Variants in ZDHHC11B observed in about 807,000 individuals in gnomAD.
ZDHHC11B encodes the protein probable palmitoyltransferase ZDHHC11B.
Under a neutral mutation model 42.3 loss-of-function variants are expected in ZDHHC11B, and 17 were observed. The ratio of observed to expected loss-of-function variants is 0.40; its 90% CI spans 0.27 to 0.60. ZDHHC11B has a LOEUF of 0.60. ZDHHC11B is among the 20% of genes least tolerant of loss of function. The pLI is 0.41. For synonymous variants in ZDHHC11B, 123 were observed against 193.5 expected (o/e 0.64, Z 3.02); for missense variants, 262 against 463.2 (o/e 0.57, Z 3.99).
In ZDHHC11B at chr5:756,245, C is replaced by A. The variant is rs557732167; in HGVS notation, c.223-101G>T. 1.3e-6 allele frequency: 2 copies of A among 1,507,216 alleles called. 1 individual carries two copies. The highest frequency in any genetic ancestry group is 2.8e-5 in the African/African-American group (2 of 71,588). The allele number at this position is 1,507,216 out of a possible 1,614,324, so 93.4% of individuals were successfully genotyped here. ...CAGAAGAGGCGTGGCCACTGGTCAGCCCTGCTCACCCAGCCCTGCACACGT... is the reference window on the plus strand; with the variant it reads ...CAGAAGAGGCGTGGCCACTGGTCAGACCTGCTCACCCAGCCCTGCACACGT... On this transcript the variant is annotated intron_variant, in intron 4 of 13. Transcript: ENST00000508859.
intron 6 of ZDHHC11B, among the ~76,000 whole-genome samples, chr5:753,802 G>A (rs530407823): frequency 4.9e-5 from 7 of 141,474 alleles, no homozygotes; most frequent in East Asian, 4.7e-4. Flanking sequence ...GGGATGGCAG[G>A]GAGGCAGGGC....
In ZDHHC11B at chr5:756,239, G is replaced by A. The variant is rs1244149991; in HGVS notation, c.223-95C>T. 17 of 1,522,920 alleles carry A rather than the reference G, an allele frequency of 1.1e-5. 1 individual carries two copies. Among genetic ancestry groups the A allele is most frequent in the Non-Finnish European group, 1.5e-5 (17 of 1,127,016 alleles). 94.3% of individuals were successfully genotyped at this position (1,522,920 alleles called of 1,614,324 possible). A position where few individuals can be genotyped will look rare whatever the true frequency, so the allele number is the denominator to read the frequency against. On this transcript the variant is annotated intron_variant, in intron 4 of 13. Transcript: ENST00000508859. The stretch of plus-strand genomic sequence containing the variant: ...AGGTCCCAGAAGAGGCGTGGCCACT[G>A]GTCAGCCCTGCTCACCCAGCCCTGC...
intron 12 of ZDHHC11B, among the ~76,000 whole-genome samples, chr5:717,955 G>A (rs571647920): frequency 6.6e-6 from 1 of 151,966 alleles, no homozygotes; most frequent in Admixed American, 6.6e-5. Context: ...AGGGGGAGCA[G>A]TAGTCTTGGT....
rs760343919 is a variant in ZDHHC11B, at chr5:766,864, T to C, written c.56A>G (p.Asn19Ser). The change falls in exon 4 of 14, where the codon AAT becomes AGT. Residue 19 changes from asparagine to serine, a missense_variant. Asn to Ser is a conservative substitution (Grantham distance 46). Transcript: ENST00000508859. Reference protein sequence around the residue: ...CSVTPEAIRNNEELVLPPRIS... With the variant: ...CSVTPEAIRNSEELVLPPRIS... ...GCGGGGCGGCAAGACCAGCTCTTCA[T>C]TGTTGCGTATGGCTTCTGGGGTGAC... The C allele has an allele frequency of 1.2e-6, 2 of 1,612,720 alleles. No individual in the cohort carries two copies. The highest frequency in any genetic ancestry group is 1.1e-5 in the South Asian group (1 of 90,926).
chr5:772,653 G>A (rs1405834476), intron 1 of ZDHHC11B, among the ~76,000 whole-genome samples: 8 of 151,776 alleles, frequency 5.3e-5, no homozygotes, highest in Non-Finnish European at 7.4e-5. Context: ...GTGAGTCCAC[G>A]GGCGCTTGGG....
At position 764,270 on chromosome 5, in the gene ZDHHC11B, G is replaced by A. The variant is rs117513215; in HGVS notation, c.222+2428C>T. Among the ~76,000 whole-genome samples the A allele has an allele frequency of 7.1e-3, 1,081 of 151,488 alleles. 7 individuals are homozygous for A. In the East Asian group the frequency reaches 0.12, roughly 16 times the overall value. On this transcript the variant is annotated intron_variant, in intron 4 of 13. Transcript: ENST00000508859. ...TCACTCTCGGCACCTCCTCGGCCTC[G>A]GTGCCCACTCTGGCCACACTCGAGG...
At chr5:747,703 G>A (rs1158958020) in intron 8 of ZDHHC11B, 2 of 170,042 alleles carry the variant, frequency 1.2e-5, no homozygotes, top group African/African-American at 4.8e-5. Context: ...GGCTGGCCTG[G>A]ACACACTCTG....
At chr5:760,573 C>G (rs1275871406) in intron 4 of ZDHHC11B, among the ~76,000 whole-genome samples, 3 of 151,758 alleles carry the variant, frequency 2.0e-5, no homozygotes, top group Admixed American at 1.3e-4. Context: ...GATGGCAGCC[C>G]CAGGACACGC....
intron 12 of ZDHHC11B, among the ~76,000 whole-genome samples, chr5:718,695 C>T (rs79448531): frequency 1.7e-5 from 2 of 117,164 alleles, no homozygotes; most frequent in African/African-American, 6.4e-5. Flanking sequence ...GACTCTGTCT[C>T]AAAAAAAAAA....
rs2434635 is a variant in ZDHHC11B at position 771,298 on chromosome 5, G to A, written c.-229-2368C>T. ...TCCCACAAATTCCCCCAAAACAGCC[G>A]GAAAAAAATCCAGGGGCACTCCCTA... On this transcript the variant is annotated intron_variant, in intron 1 of 13. Coordinates refer to ENST00000508859, the MANE Select transcript of ZDHHC11B (RefSeq NM_001351303.2). Among the ~76,000 whole-genome samples, 357 of 151,550 alleles carry A rather than the reference G, an allele frequency of 2.4e-3. 1 individual carries two copies. Among genetic ancestry groups the A allele is most frequent in the Middle Eastern group, 0.01 (3 of 294 alleles).
At chr5:713,337 TG>T (rs1741510556) in intron 13 of ZDHHC11B, among the ~76,000 whole-genome samples, 1 of 152,060 alleles carries the variant, frequency 6.6e-6, no homozygotes, top group Admixed American at 6.6e-5. Context: ...TTTCCAAATC[TG>T]CTTTGTAATT....
At position 744,862 on chromosome 5, in the gene ZDHHC11B, C is replaced by A. The variant is rs1316223771; in HGVS notation, c.900+321G>T. Among the ~76,000 whole-genome samples the A allele has an allele frequency of 1.4e-5, 2 of 147,592 alleles. 1 individual carries two copies. The highest frequency in any genetic ancestry group is 3.0e-5 in the Non-Finnish European group (2 of 67,090). ...CTCCACCCTGGGCAACAGAGCGAGA[C>A]TCTGTCTCAAAAAAAAAAAAAGATG... On this transcript the variant is annotated intron_variant, in intron 9 of 13. Transcript: ENST00000508859.
At chr5:724,522 C>A (rs1429361440) in intron 12 of ZDHHC11B, among the ~76,000 whole-genome samples, 1 of 145,478 alleles carries the variant, frequency 6.9e-6, no homozygotes, top group East Asian at 2.1e-4. Context: ...AGTACAGGTG[C>A]CTGCCACTAC....
chr5:754,070 G>A (rs1237044446), intron 6 of ZDHHC11B, among the ~76,000 whole-genome samples: 1 of 123,546 alleles, frequency 8.1e-6, no homozygotes, highest in Non-Finnish European at 1.8e-5. Context: ...ACAACCTCTC[G>A]TTCTTGAGCC....
chr5:762,888 A>G (rs1232398149), intron 4 of ZDHHC11B, among the ~76,000 whole-genome samples: 6 of 151,780 alleles, frequency 4.0e-5, no homozygotes, highest in Admixed American at 6.6e-5. Context: ...TTTCAAGATC[A>G]ATAAAAGGGA....
chr5:732,842 G>A (rs1253231544), intron 11 of ZDHHC11B, among the ~76,000 whole-genome samples: 2 of 151,864 alleles, frequency 1.3e-5, no homozygotes, highest in African/African-American at 4.9e-5. Flanking sequence ...GAGACCAGAA[G>A]TTCCAAACAA....
At chr5:751,967 A>G (rs1188204200) in intron 6 of ZDHHC11B, among the ~76,000 whole-genome samples, 1 of 120,880 alleles carries the variant, frequency 8.3e-6, no homozygotes, top group African/African-American at 2.6e-5. Flanking sequence ...CCAGCGGAGC[A>G]TGAGGGTCAC....
intron 13 of ZDHHC11B, among the ~76,000 whole-genome samples, chr5:713,055 T>G (rs1741488642): frequency 6.6e-6 from 1 of 151,044 alleles, no homozygotes; most frequent in African/African-American, 2.4e-5. Flanking sequence ...CTAACAATGT[T>G]GGCAAATTCT....
At chr5:761,116 G>C (rs1734554617) in intron 4 of ZDHHC11B, among the ~76,000 whole-genome samples, 1 of 151,870 alleles carries the variant, frequency 6.6e-6, no homozygotes, top group Non-Finnish European at 1.5e-5. Flanking sequence ...ATCCTGTCAA[G>C]CACATCTGGG....
Sources: gnomAD v4.1 joint callset for allele counts (sites outside exome capture counted in the v4.1 genomes callset) on GRCh38, gnomAD v4.1.1 for gene constraint, MANE v1.5 for transcripts, NCBI Gene and HGNC (gene_info 2026-07-23, HGNC 2026-07-21) for gene names.